Variants in TTC39A observed in about 807,000 individuals in gnomAD.
TTC39A encodes tetratricopeptide repeat domain 39A, also known as tetratricopeptide repeat protein 39A.
Under a neutral mutation model 82.3 loss-of-function variants are expected in TTC39A, and 46 were observed. The ratio of observed to expected loss-of-function variants is 0.56; its 90% CI spans 0.44 to 0.71. TTC39A has a LOEUF of 0.71. Ranked by LOEUF, TTC39A falls within the 30% of genes least tolerant of loss-of-function variation. The pLI, the probability that TTC39A is intolerant of heterozygous loss-of-function variation, is 0.00. For synonymous variants in TTC39A, 254 were observed against 275.2 expected (o/e 0.92, Z 0.76); for missense variants, 543 against 712.9 (o/e 0.76, Z 2.71).
chr1:51,318,504 C>A (rs2148262982), intron 2 of TTC39A, among the ~76,000 whole-genome samples: 1 of 152,234 alleles, frequency 6.6e-6, no homozygotes, highest in African/African-American at 2.4e-5. Flanking sequence ...CCCACCCCAC[C>A]CCAGAAGCTG....
chr1:51,322,190 A>G (rs1370903856), intron 1 of TTC39A: 1 of 1,497,674 alleles, frequency 6.7e-7, no homozygotes, highest in South Asian at 1.4e-5. Context: ...CAGGGGGTGC[A>G]GCCCAGCCAC....
upstream of TTC39A, among the ~76,000 whole-genome samples, chr1:51,335,734 G>A (rs1416036410): frequency 2.0e-5 from 3 of 152,054 alleles, no homozygotes; most frequent in Admixed American, 2.0e-4. Context: ...ATTCTCTAGG[G>A]AAAGGGGGAA....
chr1:51,340,013 A>G (rs1646015682), intron 1 of TTC39A, among the ~76,000 whole-genome samples: 1 of 151,046 alleles, frequency 6.6e-6, no homozygotes, highest in Non-Finnish European at 1.5e-5. Flanking sequence ...TTCAAGAGAG[A>G]CTCCTCGCCC....
chr1:51,331,914 AC>A, upstream of TTC39A: 1 of 729,592 alleles, frequency 1.4e-6, no homozygotes, highest in Non-Finnish European at 1.7e-6. Flanking sequence ...GAGAGGGTGT[AC>A]CAGATCGGGG....
upstream of TTC39A, chr1:51,331,709 C>A (rs549082224): frequency 2.0e-6 from 2 of 985,384 alleles, no homozygotes. Context: ...TGCTCACTTG[C>A]AAGAATCATC....
At chr1:51,293,684 A>G (rs1644306260) in intron 14 of TTC39A, among the ~76,000 whole-genome samples, 1 of 152,222 alleles carries the variant, frequency 6.6e-6, no homozygotes, top group South Asian at 2.1e-4. Flanking sequence ...GACTCTTAGC[A>G]AGCTGGAACT....
At chr1:51,343,016 C>G (rs1441197648) in intron 1 of TTC39A, 3 of 455,994 alleles carry the variant, frequency 6.6e-6, no homozygotes, top group African/African-American at 4.0e-5. Context: ...CACGGGAGAC[C>G]CCGAAGGCTC....
At chr1:51,298,097 G>C (rs942339354) in intron 12 of TTC39A, 1 of 152,480 alleles carries the variant, frequency 6.6e-6, no homozygotes, top group Non-Finnish European at 1.5e-5. Flanking sequence ...ATCCAGCCTC[G>C]CTTGTTCTTC....
chr1:51,312,961 CGTT>C lies in TTC39A; in HGVS notation c.147-21_147-19del. ...CCTTGGTTCTGCCAAAGAGAAGAGA[CGTT>C]GAGAGCACCACCTTATAGAGCCCCA... On this transcript the variant is annotated intron_variant, in intron 2 of 17. Coordinates refer to ENST00000680483, the MANE Select transcript of TTC39A (RefSeq NM_001297663.2). 1.2e-6 allele frequency: 2 copies of C among 1,611,256 alleles called. No individual in the cohort carries two copies. Among genetic ancestry groups the C allele is most frequent in the Middle Eastern group, 1.7e-4 (1 of 6,048 alleles).
At chr1:51,301,933 G>A (rs988357283) in intron 11 of TTC39A, 200 bp from the exon 12 acceptor site, 29 of 708,594 alleles carry the variant, frequency 4.1e-5, no homozygotes, top group East Asian at 1.4e-4. Flanking sequence ...CTTACATGAC[G>A]TTGGGCTCAA....
At position 51,330,343 on chromosome 1, in the gene TTC39A, G is replaced by C. The variant is rs1645863378; in HGVS notation, c.41+94C>G. ...GGAAGCCGCAGTGCGGCCCCAGGCC[G>C]GTGCGCGGGGGGAGGCCTGGCGCGG... On this transcript the variant is annotated intron_variant, in intron 1 of 17. Coordinates refer to ENST00000680483, the MANE Select transcript of TTC39A (RefSeq NM_001297663.2). This position sits in a 1 kb window ranked among gnomAD's most constrained non-coding sequence, Gnocchi z 4.5. 8.7e-6 allele frequency: 8 copies of C among 917,070 alleles called. No individual in the cohort carries two copies. The highest frequency in any genetic ancestry group is 1.0e-5 in the Non-Finnish European group (8 of 769,422). The allele number at this position is 917,070 out of a possible 1,614,324, so 56.8% of individuals were successfully genotyped here. A position where few individuals can be genotyped will look rare whatever the true frequency, so the allele number is the denominator to read the frequency against.
chr1:51,296,227 G>T, intron 12 of TTC39A, 57 bp from the exon 13 acceptor site: 2 of 1,520,826 alleles, frequency 1.3e-6, no homozygotes, highest in Admixed American at 2.0e-5. Context: ...CCCCAGCCGG[G>T]CTGGAATCTG....
chr1:51,299,204 C>A (rs1024021289), intron 12 of TTC39A: 3 of 152,214 alleles, frequency 2.0e-5, no homozygotes, highest in African/African-American at 7.2e-5. Context: ...GGGGGGGCGA[C>A]AATGTTAATT....
intron 1 of TTC39A, among the ~76,000 whole-genome samples, chr1:51,328,644 C>G (rs2148305304): frequency 6.6e-6 from 1 of 152,274 alleles, no homozygotes; most frequent in South Asian, 2.1e-4. Flanking sequence ...TTCCACAAGA[C>G]TTTCAAGGGT....
In TTC39A at chr1:51,321,058, G is replaced by C. The variant is rs1014958514; in HGVS notation, c.146+663C>G. Among the ~76,000 whole-genome samples the C allele has an allele frequency of 1.3e-5, 2 of 151,830 alleles. No individual in the cohort carries two copies. The highest frequency in any genetic ancestry group is 2.9e-5 in the Non-Finnish European group (2 of 68,012). On this transcript the variant is annotated intron_variant, in intron 2 of 17. Coordinates refer to ENST00000680483, the MANE Select transcript of TTC39A (RefSeq NM_001297663.2). This position sits in a 1 kb window ranked among gnomAD's most constrained non-coding sequence, Gnocchi z 4.6. ...CAGCTAATTTTTTATATTTTTGGTA[G>C]AGATGGGGTTTCACCATGTTGGCCA...
chr1:51,331,540 A>AG (rs1418968953), upstream of TTC39A: 35 of 985,322 alleles, frequency 3.6e-5, no homozygotes, highest in Non-Finnish European at 4.1e-5. Flanking sequence ...AGGAAGCAGA[A>AG]GGGGACAGCC....
chr1:51,290,431 G>A lies in TTC39A; in HGVS notation c.1378+83C>T, dbSNP rs1569738899. ...GAGAGTTGCCAGGGTAGGGAAAGGA[G>A]GAAGGACATTTTTGGCAGAGGGAAG... On this transcript the variant is annotated intron_variant, in intron 15 of 17. Transcript: ENST00000680483. The A allele has an allele frequency of 8.0e-6, 10 of 1,252,662 alleles. No individual in the cohort carries two copies. The East Asian group carries it at 2.0e-4, about 25-fold the overall frequency. 77.6% of individuals were successfully genotyped at this position (1,252,662 alleles called of 1,614,324 possible).
chr1:51,307,432 G>A (rs1302146626), intron 6 of TTC39A, among the ~76,000 whole-genome samples: 1 of 152,120 alleles, frequency 6.6e-6, no homozygotes, highest in Admixed American at 6.5e-5. Flanking sequence ...CATTAAATGG[G>A]GAGATAAAGA....
intron 1 of TTC39A, among the ~76,000 whole-genome samples, chr1:51,329,027 T>C: frequency 6.6e-6 from 1 of 151,822 alleles, no homozygotes; most frequent in East Asian, 1.9e-4. Context: ...GAGAGGCAGG[T>C]ACGGTTCTGC....
Sources: gnomAD v4.1 joint callset for allele counts (sites outside exome capture counted in the v4.1 genomes callset) on GRCh38, gnomAD v4.1.1 for gene constraint, Gnocchi (gnomAD v3.1) non-coding constraint, MANE v1.5 for transcripts, NCBI Gene and HGNC (gene_info 2026-07-23, HGNC 2026-07-21) for gene names.